Variants in ABLIM2 observed in about 807,000 individuals in gnomAD.
ABLIM2 encodes the protein actin-binding LIM protein 2.
ABLIM2 carries 53 observed loss-of-function variants against 97.7 expected under a neutral mutation model. The observed-to-expected ratio is 0.54, with a 90% CI of 0.44 to 0.68. The LOEUF (loss-of-function observed/expected upper bound fraction) is 0.68, where lower values mean the gene tolerates loss of function less well. Among genes scored for constraint, ABLIM2 ranks in the 30% least tolerant of loss-of-function variants. The probability of loss-of-function intolerance (pLI) is 0.00; values close to 1 mark genes in which losing one functional copy is unlikely to be tolerated. For missense variants in ABLIM2, 835 were observed against 867.2 expected, an observed-to-expected ratio of 0.96 and a Z score of 0.47; for synonymous variants, 361 against 345.8, an observed-to-expected ratio of 1.04 and a Z score of -0.49.
In ABLIM2 at chr4:7,966,374, A is replaced by C. The variant is rs1243598327; in HGVS notation, c.*616T>G. ...CATCTAGGGGTCGATCTGGAGGAGGAACGCAGCGCATGGAGGGGCGCTGGC... is the reference window on the plus strand; with the variant it reads ...CATCTAGGGGTCGATCTGGAGGAGGCACGCAGCGCATGGAGGGGCGCTGGC... On this transcript the variant is annotated 3_prime_UTR_variant, in exon 21 of 21. Transcript: ENST00000447017. The C allele has an allele frequency of 6.5e-6, 1 of 152,772 alleles. No homozygotes were observed. The highest frequency in any genetic ancestry group is 1.5e-5 in the Non-Finnish European group (1 of 68,130). 9.5% of individuals were successfully genotyped at this position (152,772 alleles called of 1,614,324 possible).
Position 8,151,984 on chromosome 4 carries a change from C to T in ABLIM2, c.10+6696G>A, listed in dbSNP as rs182199753. Among the ~76,000 whole-genome samples, 49 of 152,236 alleles carry T rather than the reference C, an allele frequency of 3.2e-4. 1 individual carries two copies. The South Asian group carries it at 5.4e-3, about 17-fold the overall frequency. ...ACAGAGGCCATGCAATGACGCTAGG[C>T]AGGAACCCCCATAGGAGGCGGGTTT... On this transcript the variant is annotated intron_variant, in intron 1 of 20. Coordinates refer to ENST00000447017, the MANE Select transcript of ABLIM2 (RefSeq NM_001130083.2).
chr4:7,980,938 C>CTTTTTTTTTTTTTTTTTTTTT (rs1255215577), intron 20 of ABLIM2, among the ~76,000 whole-genome samples: 10 of 38,468 alleles, frequency 2.6e-4, no homozygotes, highest in East Asian at 6.9e-4. Context: ...TCCACAACCC[C>CTTTTTTTTTTTTTTTTTTTTT]TTATTTTTTT....
In ABLIM2 at chr4:8,082,089, T is replaced by C. The variant is rs1451580404; in HGVS notation, c.455-1287A>G. On this transcript the variant is annotated intron_variant, in intron 4 of 20. Transcript: ENST00000447017. This position sits in a 1 kb window ranked among gnomAD's most constrained non-coding sequence, Gnocchi z 5.6. ...TTGGGGGCATGACAAGGGAAGGGCC[T>C]CGGACCCCGTAATGGACAGGGAGGA... is the stretch of plus-strand genomic sequence containing the variant. 6.6e-6 allele frequency among the ~76,000 whole-genome samples: 1 copy of C among 152,122 alleles called. No homozygotes were observed. Among genetic ancestry groups the C allele is most frequent in the African/African-American group, 2.4e-5 (1 of 41,414 alleles).
intron 8 of ABLIM2, among the ~76,000 whole-genome samples, chr4:8,045,688 G>A (rs895525385): frequency 7.2e-5 from 11 of 152,108 alleles, no homozygotes; most frequent in African/African-American, 2.7e-4. Flanking sequence ...AAATAAAGTT[G>A]GGGCTGAAGG....
intron 20 of ABLIM2, among the ~76,000 whole-genome samples, chr4:7,977,472 C>T (rs1734416663): frequency 6.6e-6 from 1 of 152,188 alleles, no homozygotes; most frequent in Admixed American, 6.5e-5. Context: ...ACCACATTCC[C>T]AGTGGGCCAC....
chr4:7,984,482 A>C (rs1244588900), intron 18 of ABLIM2, among the ~76,000 whole-genome samples: 2 of 152,218 alleles, frequency 1.3e-5, no homozygotes, highest in Non-Finnish European at 2.9e-5. Flanking sequence ...CGGCAGCCAC[A>C]CGGGGAGCAA....
intron 3 of ABLIM2, among the ~76,000 whole-genome samples, chr4:8,088,711 G>A (rs113169169): frequency 0.041 from 6,218 of 152,322 alleles, 393 homozygotes; most frequent in African/African-American, 0.13. Context: ...TCTCCTGTGT[G>A]CCCAGGGCCC....
chr4:8,056,918 C>A (rs1185374713), intron 7 of ABLIM2, among the ~76,000 whole-genome samples: 24 of 104,468 alleles, frequency 2.3e-4, no homozygotes, highest in African/African-American at 8.2e-4. Context: ...GGCGACAGAG[C>A]GAAACTCCGT....
rs576877966 is a variant in ABLIM2, at chr4:8,023,549, G to A, written c.1268-3246C>T. Reference sequence around the variant, plus strand: ...ACTGGCCGTGGCGGCCTTGCTGACCGGGTCATGCTCGTCAGCCATGGTGGC... The same window carrying A: ...ACTGGCCGTGGCGGCCTTGCTGACCAGGTCATGCTCGTCAGCCATGGTGGC... On this transcript the variant is annotated intron_variant, in intron 12 of 20. Coordinates refer to ENST00000447017, the MANE Select transcript of ABLIM2 (RefSeq NM_001130083.2). This position sits in a 1 kb window ranked among gnomAD's most constrained non-coding sequence, Gnocchi z 5.7. Among the ~76,000 whole-genome samples, 376 of 152,300 alleles carry A rather than the reference G, an allele frequency of 2.5e-3. 1 individual carries two copies. The highest frequency in any genetic ancestry group is 8.0e-3 in the African/African-American group (332 of 41,572).
At chr4:8,136,982 TG>T (rs1190115530) in intron 1 of ABLIM2, among the ~76,000 whole-genome samples, 1 of 152,086 alleles carries the variant, frequency 6.6e-6, no homozygotes, top group Non-Finnish European at 1.5e-5. Flanking sequence ...GTCATGAGGG[TG>T]GGGCCCAAAG....
At chr4:8,118,577 C>T (rs1273034165) in intron 1 of ABLIM2, among the ~76,000 whole-genome samples, 1 of 152,162 alleles carries the variant, frequency 6.6e-6, no homozygotes, top group Non-Finnish European at 1.5e-5. Context: ...ATTCAAGAAC[C>T]TTCCATGGCT....
intron 20 of ABLIM2, among the ~76,000 whole-genome samples, chr4:7,969,365 G>A (rs1725690931): frequency 1.3e-5 from 2 of 151,844 alleles, no homozygotes; most frequent in Admixed American, 6.6e-5. Flanking sequence ...GAGGTGGGAG[G>A]ATCTCTTGAA....
In ABLIM2 at chr4:8,138,691, T is replaced by C. The variant is rs149350943; in HGVS notation, c.10+19989A>G. On this transcript the variant is annotated intron_variant, in intron 1 of 20. Transcript: ENST00000447017. ...AAATTGAAACTGGACCCCTTCCTTATACCTTATACAAAAATTAACTCAAGA... is the reference window on the plus strand; with the variant it reads ...AAATTGAAACTGGACCCCTTCCTTACACCTTATACAAAAATTAACTCAAGA... Among the ~76,000 whole-genome samples, 255 of 152,240 alleles carry C rather than the reference T, an allele frequency of 1.7e-3. 1 individual carries two copies. The highest frequency in any genetic ancestry group is 5.8e-3 in the African/African-American group (242 of 41,544).
Position 8,061,222 on chromosome 4 carries a change from G to C in ABLIM2, c.676-168C>G, listed in dbSNP as rs79199362. On this transcript the variant is annotated intron_variant, in intron 6 of 20. Transcript: ENST00000447017. The surrounding 1 kb of genome is among the most constrained non-coding windows in gnomAD (Gnocchi z 4.5). ...AGACCCCTGAGCAGAGCCCAGACCC[G>C]GGGGTGCCCCCGGGCTGTCCAAGGC... is the stretch of plus-strand genomic sequence containing the variant. 7.5e-5 allele frequency among the ~76,000 whole-genome samples: 1 copy of C among 13,404 alleles called. No individual in the cohort carries two copies. The highest frequency in any genetic ancestry group is 1.1e-4 in the Non-Finnish European group (1 of 8,802). 8.8% of individuals were successfully genotyped at this position (13,404 alleles called of 152,430 possible).
At position 8,021,842 on chromosome 4, in the gene ABLIM2, G is replaced by A. The variant is rs115604494; in HGVS notation, c.1268-1539C>T. ...TTTTGCCTGTCAATGCTGATGGAGC[G>A]TCAGATAACTGCCCTTCCCTTAGCA... On this transcript the variant is annotated intron_variant, in intron 12 of 20. Transcript: ENST00000447017. This position sits in a 1 kb window ranked among gnomAD's most constrained non-coding sequence, Gnocchi z 5.5. 3.8e-3 allele frequency among the ~76,000 whole-genome samples: 577 copies of A among 152,340 alleles called. 7 individuals are homozygous for A. Among genetic ancestry groups the A allele is most frequent in the Non-Finnish European group, 3.3e-3 (223 of 68,026 alleles).
Position 8,087,513 on chromosome 4 carries a change from G to A in ABLIM2, c.454+656C>T, listed in dbSNP as rs561710073. Among the ~76,000 whole-genome samples the A allele has an allele frequency of 2.0e-5, 3 of 152,332 alleles. No homozygotes were observed. Among genetic ancestry groups the A allele is most frequent in the African/African-American group, 4.8e-5 (2 of 41,582 alleles). On this transcript the variant is annotated intron_variant, in intron 4 of 20. Transcript: ENST00000447017. This position sits in a 1 kb window ranked among gnomAD's most constrained non-coding sequence, Gnocchi z 4.6. ...CAAGGGCCCCTGACTGCGGGAGCCC[G>A]GAGCTCAGTGTTCCTCTACAGGTTC...
intron 20 of ABLIM2, 80 bp from the exon 21 acceptor site, chr4:7,967,183 G>A: frequency 8.5e-7 from 1 of 1,173,598 alleles, no homozygotes; most frequent in East Asian, 2.3e-5. Context: ...CTGCCGCCAA[G>A]CAATCCAGGG....
rs559975485 is a variant in ABLIM2, at chr4:8,056,714, C to T, written c.764-2468G>A. ...TTGGGAGGCTGAGGCAGGCGGATCA[C>T]GAGGTCAGGAGATCGAGACCATTCT... On this transcript the variant is annotated intron_variant, in intron 7 of 20. Transcript: ENST00000447017. 2.0e-4 allele frequency among the ~76,000 whole-genome samples: 31 copies of T among 151,926 alleles called. No homozygotes were observed. In the East Asian group the frequency reaches 3.5e-3, roughly 17 times the overall value.
At chr4:8,057,028 C>T (rs1223953464) in intron 7 of ABLIM2, among the ~76,000 whole-genome samples, 1 of 148,430 alleles carries the variant, frequency 6.7e-6, no homozygotes, top group South Asian at 2.1e-4. Flanking sequence ...ACAATGTGGA[C>T]AGATAAGAAT....
Sources: allele counts gnomAD v4.1 joint callset (sites outside exome capture counted in the v4.1 genomes callset), GRCh38; gene constraint gnomAD v4.1.1; non-coding constraint Gnocchi (gnomAD v3.1); transcripts MANE v1.5; gene names NCBI Gene and HGNC (gene_info 2026-07-23, HGNC 2026-07-21).